Variants in ARCN1 observed in about 807,000 individuals in gnomAD.
ARCN1 encodes coatomer subunit delta.
Under a neutral mutation model 60.4 loss-of-function variants are expected in ARCN1, and 5 were observed. The ratio of observed to expected loss-of-function variants is 0.08; its 90% CI spans 0.04 to 0.17. The LOEUF is 0.17. ARCN1 is among the 10% of genes least tolerant of loss of function. The pLI is 1.00. For synonymous variants in ARCN1, 224 were observed against 220.0 expected, an observed-to-expected ratio of 1.02 and a Z score of -0.16; for missense variants, 464 against 626.5, an observed-to-expected ratio of 0.74 and a Z score of 2.77.
chr11:118,594,878 C>G (rs1938992969), intron 8 of ARCN1, among the ~76,000 whole-genome samples: 1 of 150,986 alleles, frequency 6.6e-6, no homozygotes. Flanking sequence ...TTGAGACAGT[C>G]TCACTCTGTC....
chr11:118,576,178 C>G (rs879962461), intron 1 of ARCN1, among the ~76,000 whole-genome samples: 1 of 151,930 alleles, frequency 6.6e-6, no homozygotes, highest in Non-Finnish European at 1.5e-5. Context: ...ACTTGAGGCA[C>G]TTAACAATTC....
chr11:118,574,481 G>A (rs967723723), intron 1 of ARCN1, among the ~76,000 whole-genome samples: 2 of 151,722 alleles, frequency 1.3e-5, no homozygotes, highest in Non-Finnish European at 2.9e-5. Flanking sequence ...CCACCAACTA[G>A]ATTCTATAAC....
At chr11:118,589,422 C>CTTTGTTT (rs1565363344) in intron 5 of ARCN1, among the ~76,000 whole-genome samples, 2 of 151,734 alleles carry the variant, frequency 1.3e-5, no homozygotes, top group African/African-American at 4.9e-5. Context: ...GTGGATATGC[C>CTTTGTTT]TTTATTTTTT....
In ARCN1 at chr11:118,602,169, A is replaced by G. The variant is rs1555078250; in HGVS notation, c.*1455A>G. ...CTGATTGTTTCGATATGTACATATT[A>G]CTCACGTATACCCCATTTCCTTCCA... On this transcript the variant is annotated 3_prime_UTR_variant, in exon 10 of 10. Coordinates refer to ENST00000264028, the MANE Select transcript of ARCN1 (RefSeq NM_001655.5). 1.5e-4 allele frequency: 25 copies of G among 168,110 alleles called. No individual in the cohort carries two copies. The allele number at this position is 168,110 out of a possible 1,614,324, so 10.4% of individuals were successfully genotyped here.
chr11:118,581,966 A>ACACACACACACACACACACACACC lies in ARCN1; in HGVS notation c.267+458_267+459insACACACACACACACACACACACCC, dbSNP rs1472826072. Among the ~76,000 whole-genome samples, 5 of 150,018 alleles carry ACACACACACACACACACACACACC rather than the reference A, an allele frequency of 3.3e-5. No homozygotes were observed. The South Asian group carries it at 1.1e-3, about 32-fold the overall frequency. On this transcript the variant is annotated intron_variant, in intron 2 of 9. Transcript: ENST00000264028. ...CACACACACACACACACACACACAC[A>ACACACACACACACACACACACACC]CCTTTTAAGACTTTATGCCAAAGTC...
intron 5 of ARCN1, among the ~76,000 whole-genome samples, chr11:118,590,040 A>G (rs1038435797): frequency 3.9e-5 from 6 of 151,994 alleles, no homozygotes; most frequent in African/African-American, 1.4e-4. Context: ...CTTGTTGCCC[A>G]GGCTGGAGTG....
intron 5 of ARCN1, among the ~76,000 whole-genome samples, chr11:118,585,370 G>A (rs1938755672): frequency 6.6e-6 from 1 of 152,082 alleles, no homozygotes; most frequent in Non-Finnish European, 1.5e-5. Flanking sequence ...GTCACACCTG[G>A]TATATAGCGT....
intron 8 of ARCN1, among the ~76,000 whole-genome samples, chr11:118,595,619 A>G (rs1555077000): frequency 6.6e-6 from 1 of 152,230 alleles, no homozygotes; most frequent in African/African-American, 2.4e-5. Flanking sequence ...TAACATTTAC[A>G]GTGAGCATGC....
chr11:118,594,578 T>G (rs957818254), intron 8 of ARCN1, among the ~76,000 whole-genome samples: 2 of 152,130 alleles, frequency 1.3e-5, no homozygotes, highest in Non-Finnish European at 2.9e-5. Flanking sequence ...AGACTGAGTT[T>G]CACTCTTGTT....
intron 3 of ARCN1, 83 bp downstream of exon 3, chr11:118,583,441 C>A: frequency 7.1e-7 from 1 of 1,403,568 alleles, no homozygotes; most frequent in South Asian, 1.5e-5. Context: ...TTTTTACTTA[C>A]TAATGTAGAC....
intron 9 of ARCN1, 36 bp downstream of exon 9, chr11:118,597,947 G>T: frequency 6.2e-7 from 1 of 1,606,758 alleles, no homozygotes; most frequent in Non-Finnish European, 8.5e-7. Context: ...TATAGGGAAA[G>T]TGGTAGGACA....
At chr11:118,590,952 A>C (rs191548771) in intron 6 of ARCN1, among the ~76,000 whole-genome samples, 1 of 152,356 alleles carries the variant, frequency 6.6e-6, no homozygotes, top group East Asian at 1.9e-4. Context: ...CAGGAGTTCA[A>C]GAACAGCCTG....
chr11:118,591,697 G>A (rs1165095496), intron 6 of ARCN1, among the ~76,000 whole-genome samples: 1 of 151,282 alleles, frequency 6.6e-6, no homozygotes, highest in Non-Finnish European at 1.5e-5. Context: ...AGCCCTTCTG[G>A]GTTTTTTTTG....
Position 118,593,749 on chromosome 11 carries a change from T to C in ARCN1, c.1241+51T>C, listed in dbSNP as rs571547357. 1.1e-5 allele frequency: 14 copies of C among 1,313,034 alleles called. No individual in the cohort carries two copies. The African/African-American group carries it at 2.0e-4, about 19-fold the overall frequency. The allele number at this position is 1,313,034 out of a possible 1,614,324, so 81.3% of individuals were successfully genotyped here. A position where few individuals can be genotyped will look rare whatever the true frequency, so the allele number is the denominator to read the frequency against. On this transcript the variant is annotated intron_variant, in intron 8 of 9. Transcript: ENST00000264028. ...CGGTGGACTTAGAGAACTGGTCTTT[T>C]GGAACTCATTTTGGAGTCAGCACCT...
At chr11:118,589,516 G>A (rs1227427227) in intron 5 of ARCN1, among the ~76,000 whole-genome samples, 2 of 151,992 alleles carry the variant, frequency 1.3e-5, no homozygotes, top group Admixed American at 6.6e-5. Context: ...TGCAAGCTCC[G>A]CCTCCTGAGT....
chr11:118,593,456 C>T, intron 7 of ARCN1, 134 bp from the exon 8 acceptor site: 1 of 476,834 alleles, frequency 2.1e-6, no homozygotes, highest in Non-Finnish European at 3.8e-6. Context: ...GTCTTGAACT[C>T]ATGGCCTCAA....
chr11:118,584,089 C>A, intron 4 of ARCN1, 75 bp downstream of exon 4: 2 of 1,406,590 alleles, frequency 1.4e-6, no homozygotes, highest in Non-Finnish European at 1.9e-6. Context: ...AATCTGATTT[C>A]TTGGAAAGCT....
Position 118,581,507 on chromosome 11 carries a change from G to C in ARCN1, c.265G>C (p.Val89Leu), listed in dbSNP as rs782189649. The change falls in exon 2 of 10, where the codon GTG becomes CTG. Residue 89 changes from valine (V) to leucine (L), a missense_variant and splice_region_variant. Coordinates refer to ENST00000264028, the MANE Select transcript of ARCN1 (RefSeq NM_001655.5). Reference protein sequence around the residue: ...DLETLRLFSRVIPEYCRALEE... With the variant: ...DLETLRLFSRLIPEYCRALEE... ...GGAGACCCTAAGGCTCTTCTCAAGA[G>C]TGGTAAGAGTACTGCTATAATACTG... is the stretch of plus-strand genomic sequence containing the variant. The C allele has an allele frequency of 1.9e-6, 3 of 1,609,060 alleles. No individual in the cohort carries two copies. Among genetic ancestry groups the C allele is most frequent in the Non-Finnish European group, 2.5e-6 (3 of 1,177,260 alleles).
chr11:118,600,859 C>G lies in ARCN1; in HGVS notation c.*145C>G. On this transcript the variant is annotated 3_prime_UTR_variant, in exon 10 of 10. Coordinates refer to ENST00000264028, the MANE Select transcript of ARCN1 (RefSeq NM_001655.5). ...GCACGATTCTCTGCGCGCAAGGACC[C>G]TCGACTCACCCCCATGTTTCAGTGT... The G allele has an allele frequency of 1.9e-6, 1 of 536,042 alleles. No homozygotes were observed. The highest frequency in any genetic ancestry group is 2.1e-5 in the South Asian group (1 of 47,062). 33.2% of individuals were successfully genotyped at this position (536,042 alleles called of 1,614,324 possible).
Sources: gnomAD v4.1 joint callset for allele counts (sites outside exome capture counted in the v4.1 genomes callset) on GRCh38, gnomAD v4.1.1 for gene constraint, MANE v1.5 for transcripts, NCBI Gene and HGNC (gene_info 2026-07-23, HGNC 2026-07-21) for gene names.